ZAN: variants seen among roughly 807,000 people sequenced by gnomAD.
ZAN encodes zonadhesin (gene/pseudogene).
Under a neutral mutation model 286.2 loss-of-function variants are expected in ZAN, and 260 were observed. That is an observed-to-expected ratio of 0.91 (90% CI 0.82 to 1.01). The LOEUF is 1.01. ZAN is among the 50% of genes least tolerant of loss of function. The pLI is 0.00. For missense variants in ZAN, 3,410 were observed against 3,639.2 expected (o/e 0.94, Z 1.62); for synonymous variants, 1,368 against 1,417.5 (o/e 0.97, Z 0.79).
In ZAN at chr7:100,734,554, GT is replaced by G. The variant is rs1244380757; in HGVS notation, c.53+336del. 2.1e-4 allele frequency among the ~76,000 whole-genome samples: 29 copies of G among 136,816 alleles called. 2 individuals carry two copies. The highest frequency in any genetic ancestry group is 4.9e-5 in the Non-Finnish European group (3 of 61,722). 89.8% of individuals were successfully genotyped at this position (136,816 alleles called of 152,430 possible). On this transcript the variant is annotated intron_variant, in intron 2 of 47. Coordinates refer to ENST00000613979, the MANE Select transcript of ZAN (RefSeq NM_003386.3). ...GAATCGCTTGAACCTGGGAGGCGGA[GT>G]TTGCAGTGAGCTGAGATCATGCCAT...
At chr7:100,777,264 C>T (rs1047396280) in intron 34 of ZAN, among the ~76,000 whole-genome samples, 2 of 152,016 alleles carry the variant, frequency 1.3e-5, no homozygotes, top group African/African-American at 2.4e-5. Context: ...AGGCTGGTCT[C>T]GAGCTCCTGA....
intron 12 of ZAN, 100 bp from the exon 13 acceptor site, chr7:100,751,082 A>T: frequency 7.4e-7 from 1 of 1,343,814 alleles, no homozygotes; most frequent in Non-Finnish European, 1.0e-6. Context: ...GAACAAGGCG[A>T]CATTTTGGCA....
Position 100,751,261 on chromosome 7 carries a change from G to T in ZAN, c.1601G>T (p.Cys534Phe). Reference sequence around the variant, plus strand: ...TTCATCTTGATCAATCCTGGGACTTGTCCAGGTAAGACCAAAGCCCAGGCT... The same window carrying T: ...TTCATCTTGATCAATCCTGGGACTTTTCCAGGTAAGACCAAAGCCCAGGCT... The part of the protein sequence containing the change: ...MGFILINPGT[C>F]PVKVLPELPP... The change falls in exon 13 of 48, where the codon TGT becomes TTT. Residue 534 changes from cysteine to phenylalanine, a missense_variant. By Grantham distance (205) the Cys-to-Phe change is radical (BLOSUM62 -2). Transcript: ENST00000613979. 6.3e-7 allele frequency: 1 copy of T among 1,593,326 alleles called. No individual in the cohort carries two copies. The highest frequency in any genetic ancestry group is 8.5e-7 in the Non-Finnish European group (1 of 1,170,010).
chr7:100,776,164 A>T (rs1052382245), intron 33 of ZAN, among the ~76,000 whole-genome samples: 1 of 151,998 alleles, frequency 6.6e-6, no homozygotes, highest in Non-Finnish European at 1.5e-5. Context: ...AAATAAAAAA[A>T]AAAATTAGTT....
intron 7 of ZAN, among the ~76,000 whole-genome samples, chr7:100,745,556 A>G (rs1298516268): frequency 1.3e-5 from 2 of 151,398 alleles, no homozygotes; most frequent in Non-Finnish European, 2.9e-5. Flanking sequence ...ATCTCTCGCC[A>G]GTTTGCGTGA....
At chr7:100,769,125 G>A (rs1271421332) in intron 27 of ZAN, among the ~76,000 whole-genome samples, 1 of 151,926 alleles carries the variant, frequency 6.6e-6, no homozygotes, top group Admixed American at 6.6e-5. Flanking sequence ...ACAGAGTCAC[G>A]CTCTGTCACC....
At chr7:100,779,162 T>G (rs1168655683) in intron 34 of ZAN, among the ~76,000 whole-genome samples, 2 of 146,838 alleles carry the variant, frequency 1.4e-5, no homozygotes, top group Non-Finnish European at 1.5e-5. Flanking sequence ...AAGATTGCAC[T>G]ACTGCACTCC....
At chr7:100,789,618 T>C (rs2116311751) in intron 39 of ZAN, among the ~76,000 whole-genome samples, 2 of 152,158 alleles carry the variant, frequency 1.3e-5, no homozygotes, top group Middle Eastern at 6.8e-3. Context: ...AAGACCAGCC[T>C]GGGGAACATA....
chr7:100,776,669 CCTTCCTTT>C (rs1810822141), intron 34 of ZAN, 105 bp downstream of exon 34: 2 of 715,458 alleles, frequency 2.8e-6, no homozygotes, highest in Non-Finnish European at 3.9e-6. Context: ...CCCTCCCCTT[CCTTCCTTT>C]CTTCCTTTCT....
chr7:100,773,568 C>A (rs1810539187), intron 30 of ZAN, 75 bp downstream of exon 30: 1 of 1,568,788 alleles, frequency 6.4e-7, no homozygotes, highest in Non-Finnish European at 8.7e-7. Flanking sequence ...TCAGGAGAGG[C>A]AGGAGGAAGG....
rs1808357633 is a variant in ZAN, at chr7:100,748,137, T to C, written c.1024T>C (p.Phe342Leu). The C allele has an allele frequency of 6.2e-7, 1 of 1,613,622 alleles. No homozygotes were observed. Among genetic ancestry groups the C allele is most frequent in the African/African-American group, 1.3e-5 (1 of 74,902 alleles). The change falls in exon 10 of 48, where the codon TTT becomes CTT. Residue 342 changes from phenylalanine (F) to leucine (L), a missense_variant and splice_region_variant. By Grantham distance (22) the Phe-to-Leu change is conservative (BLOSUM62 0). Around this residue, in one of 7 missense-constraint regions of ZAN, gnomAD observed 872 missense variants for 938.9 expected, o/e 0.93. Coordinates refer to ENST00000613979, the MANE Select transcript of ZAN (RefSeq NM_003386.3). Reference sequence around the variant, plus strand: ...CTGCTCCATCTCCCTTTCTCTCCAGTTTGCCGTGGTAGGCGTTTTTGGAAA... The same window carrying C: ...CTGCTCCATCTCCCTTTCTCTCCAGCTTGCCGTGGTAGGCGTTTTTGGAAA... ...VNYTAVGRIQ[F>L]AVVGVFGKTP...
At position 100,778,787 on chromosome 7, in the gene ZAN, C is replaced by T. The variant is rs140739941; in HGVS notation, c.6318-659C>T. Among the ~76,000 whole-genome samples the T allele has an allele frequency of 1.2e-3, 184 of 152,112 alleles. 2 individuals carry two copies. In the East Asian group the frequency reaches 0.027, roughly 22 times the overall value. On this transcript the variant is annotated intron_variant, in intron 34 of 47. Transcript: ENST00000613979. ...GTGGCTCAGGCCTGATATCTCAGCA[C>T]TTCGCGAGGCCGAGGCGGGTGGATC...
At position 100,792,392 on chromosome 7, in the gene ZAN, C is replaced by T; in HGVS notation, c.7713-13C>T. On this transcript the variant is annotated splice_polypyrimidine_tract_variant and intron_variant, in intron 41 of 47. Transcript: ENST00000613979. ...AAACTGACTGTGCCCTTCCTGCCCC[C>T]TCTCTGCACCAGGCACTGCGTGCTG... The T allele has an allele frequency of 6.3e-7, 1 of 1,598,364 alleles. No individual in the cohort carries two copies. Among genetic ancestry groups the T allele is most frequent in the Non-Finnish European group, 8.5e-7 (1 of 1,170,168 alleles).
Position 100,797,768 on chromosome 7 carries a change from T to C in ZAN, c.*36T>C. On this transcript the variant is annotated 3_prime_UTR_variant, in exon 48 of 48. Transcript: ENST00000613979. ...TTTGAGCTGTCTTCAGACAAGAAGA[T>C]TAAATAAATTTATATATTTATTTAT... is the stretch of plus-strand genomic sequence containing the variant. 3 of 1,607,286 alleles carry C rather than the reference T, an allele frequency of 1.9e-6. No individual in the cohort carries two copies. The highest frequency in any genetic ancestry group is 2.6e-6 in the Non-Finnish European group (3 of 1,176,206).
At chr7:100,762,661 G>C (rs1809679723) in intron 20 of ZAN, among the ~76,000 whole-genome samples, 1 of 151,514 alleles carries the variant, frequency 6.6e-6, no homozygotes, top group Admixed American at 6.6e-5. Flanking sequence ...CTGGCCTCAA[G>C]TGATCCACCT....
Position 100,755,346 on chromosome 7 carries a change from T to A in ZAN, c.3245T>A (p.Phe1082Tyr). The A allele has an allele frequency of 6.2e-7, 1 of 1,613,840 alleles. No homozygotes were observed. The highest frequency in any genetic ancestry group is 2.2e-5 in the East Asian group (1 of 44,866). Residue 1082 changes from phenylalanine to tyrosine, a missense_variant, in exon 15 of 48, where the codon TTT (phenylalanine) becomes TAT (tyrosine). By Grantham distance (22) the Phe-to-Tyr change is conservative (BLOSUM62 3). Coordinates refer to ENST00000613979, the MANE Select transcript of ZAN (RefSeq NM_003386.3). The part of the protein sequence containing the change: ...EGCVCNPGFL[F>Y]SDNHCIQASS... ...TGTGTCTGCAACCCTGGCTTTTTGTTTAGTGACAACCACTGCATCCAGGCC... is the reference window on the plus strand; with the variant it reads ...TGTGTCTGCAACCCTGGCTTTTTGTATAGTGACAACCACTGCATCCAGGCC...
In ZAN at chr7:100,746,152, C is replaced by T. The variant is rs113176658; in HGVS notation, c.767-386C>T. 6.3e-3 allele frequency among the ~76,000 whole-genome samples: 960 copies of T among 152,152 alleles called. 16 individuals carry two copies. The highest frequency in any genetic ancestry group is 0.022 in the African/African-American group (923 of 41,518). Reference sequence around the variant, plus strand: ...CTGAGGCGGGAGGATCACCTGAGCCCGGGGAGGTTGAGTCTGCAGTGAACC... The same window carrying T: ...CTGAGGCGGGAGGATCACCTGAGCCTGGGGAGGTTGAGTCTGCAGTGAACC... On this transcript the variant is annotated intron_variant, in intron 7 of 47. Transcript: ENST00000613979.
chr7:100,789,292 C>CT lies in ZAN; in HGVS notation c.7303dup (p.Tyr2435LeufsTer7). ...GGGTCACCCTGTGGGGCCAACGGCT[C>CT]TACCTGGTCACCGACTTTGAGCTGG... On this transcript the variant is annotated frameshift_variant, in exon 39 of 48. Coordinates refer to ENST00000613979, the MANE Select transcript of ZAN (RefSeq NM_003386.3). LOFTEE classifies it high-confidence loss of function. The CT allele has an allele frequency of 6.2e-7, 1 of 1,613,906 alleles. No individual in the cohort carries two copies. Among genetic ancestry groups the CT allele is most frequent in the Non-Finnish European group, 8.5e-7 (1 of 1,179,874 alleles).
chr7:100,773,940 C>T, intron 31 of ZAN, 75 bp downstream of exon 31: 1 of 1,521,646 alleles, frequency 6.6e-7, no homozygotes, highest in Non-Finnish European at 8.8e-7. Context: ...AGACTCCCTG[C>T]TGCCTGTAGC....
Sources: gnomAD v4.1 joint callset for allele counts (sites outside exome capture counted in the v4.1 genomes callset) on GRCh38, gnomAD v4.1.1 for gene constraint, gnomAD v4.1.1 regional missense constraint, MANE v1.5 for transcripts, NCBI Gene and HGNC (gene_info 2026-07-23, HGNC 2026-07-21) for gene names.